Variants in AKT3 observed in about 807,000 individuals in gnomAD.
AKT3 encodes the protein AKT serine/threonine kinase 3.
Under a neutral mutation model 65.3 loss-of-function variants are expected in AKT3, and 15 were observed. That is an observed-to-expected ratio of 0.23 (90% confidence interval 0.15 to 0.35). The LOEUF (loss-of-function observed/expected upper bound fraction) is 0.35, where lower values mean the gene tolerates loss of function less well. AKT3 is among the 10% of genes least tolerant of loss of function. The pLI is 1.00. For synonymous variants in AKT3, 206 were observed against 183.8 expected (o/e 1.12, Z -0.98); for missense variants, 243 against 576.5 (o/e 0.42, Z 5.92).
At chr1:243,742,059 T>TAAAAAAAAAAAAAAAAAAAAAAATAA (rs36056068) in intron 2 of AKT3, among the ~76,000 whole-genome samples, 1 of 125,578 alleles carries the variant, frequency 8.0e-6, no homozygotes, top group Non-Finnish European at 1.6e-5. Flanking sequence ...GATAGAAAAT[T>TAAAAAAAAAAAAAAAAAAAAAAATAA]AAAAAAAAAA....
At chr1:243,773,624 C>T (rs1690344839) in intron 2 of AKT3, among the ~76,000 whole-genome samples, 1 of 148,722 alleles carries the variant, frequency 6.7e-6, no homozygotes, top group Non-Finnish European at 1.5e-5. Context: ...GACCCCATCG[C>T]CCCCCACAAA....
At chr1:243,828,450 T>TA (rs1465076076) in intron 2 of AKT3, among the ~76,000 whole-genome samples, 1 of 152,098 alleles carries the variant, frequency 6.6e-6, no homozygotes, top group Non-Finnish European at 1.5e-5. Flanking sequence ...AGCTGACCCT[T>TA]AATAACATGG....
intron 8 of AKT3, among the ~76,000 whole-genome samples, chr1:243,584,359 A>T (rs943019447): frequency 1.3e-4 from 20 of 152,190 alleles, no homozygotes; most frequent in South Asian, 6.2e-4. Context: ...AACAAGACGG[A>T]TTCACAGTTG....
intron 2 of AKT3, among the ~76,000 whole-genome samples, chr1:243,742,133 G>A (rs950525498): frequency 6.6e-6 from 1 of 151,368 alleles, no homozygotes; most frequent in Non-Finnish European, 1.5e-5. Context: ...TGTATATAAG[G>A]GACTTGAGCA....
rs1324562971 is a variant in AKT3 at position 243,500,352 on chromosome 1, A to C, written c.*4897T>G. 1 of 224,422 alleles carries C rather than the reference A, an allele frequency of 4.5e-6. No individual in the cohort carries two copies. The highest frequency in any genetic ancestry group is 2.2e-5 in the African/African-American group (1 of 44,520). 13.9% of individuals were successfully genotyped at this position (224,422 alleles called of 1,614,324 possible). On this transcript the variant is annotated 3_prime_UTR_variant, in exon 14 of 14. Transcript: ENST00000673466. ...GGAAGCACTATGCATTACTCTTTCC[A>C]TTCTGTTAAACAACGAAAACAGACA...
chr1:243,693,264 AT>A (rs2148017237), intron 3 of AKT3, among the ~76,000 whole-genome samples: 1 of 92,092 alleles, frequency 1.1e-5, no homozygotes, highest in South Asian at 3.8e-4. Context: ...ATATATATAT[AT>A]ATATATATAT....
At chr1:243,536,606 T>C (rs1040142104) in intron 12 of AKT3, among the ~76,000 whole-genome samples, 2 of 152,226 alleles carry the variant, frequency 1.3e-5, no homozygotes, top group African/African-American at 2.4e-5. Context: ...TCCAGTTTGC[T>C]GTGTAATTTT....
chr1:243,571,317 A>G (rs756302330), intron 9 of AKT3, among the ~76,000 whole-genome samples: 1 of 152,188 alleles, frequency 6.6e-6, no homozygotes, highest in Non-Finnish European at 1.5e-5. Context: ...CTCCATCTGA[A>G]AACACACACA....
chr1:243,596,272 T>C (rs1676607082), intron 8 of AKT3, among the ~76,000 whole-genome samples: 1 of 152,190 alleles, frequency 6.6e-6, no homozygotes, highest in African/African-American at 2.4e-5. Context: ...TAAAAACGTC[T>C]GTTCCTCAAA....
intron 3 of AKT3, among the ~76,000 whole-genome samples, chr1:243,683,852 A>C (rs1684090164): frequency 1.3e-5 from 2 of 152,200 alleles, no homozygotes; most frequent in African/African-American, 4.8e-5. Flanking sequence ...GAAGCAAAGT[A>C]CCTTTAATTT....
chr1:243,656,505 A>G (rs997956166), intron 4 of AKT3, among the ~76,000 whole-genome samples: 1 of 152,182 alleles, frequency 6.6e-6, no homozygotes, highest in African/African-American at 2.4e-5. Context: ...AACAATAATA[A>G]AAGTTTGTGA....
chr1:243,699,511 A>ATATG (rs1685301766), intron 2 of AKT3, among the ~76,000 whole-genome samples: 5 of 113,142 alleles, frequency 4.4e-5, no homozygotes, highest in African/African-American at 1.0e-4. Context: ...ATATATATAT[A>ATATG]TAATCTTCAT....
intron 8 of AKT3, among the ~76,000 whole-genome samples, chr1:243,581,575 A>G (rs1040147248): frequency 2.0e-5 from 3 of 152,148 alleles, no homozygotes; most frequent in African/African-American, 7.2e-5. Context: ...ATTATAGGGA[A>G]AGAAAAAGAA....
At chr1:243,558,837 T>C (rs1673583074) in intron 10 of AKT3, among the ~76,000 whole-genome samples, 1 of 152,072 alleles carries the variant, frequency 6.6e-6, no homozygotes, top group Non-Finnish European at 1.5e-5. Flanking sequence ...TATCTGCTGG[T>C]ACATTTGAGG....
At chr1:243,816,812 T>C (rs1693553848) in intron 2 of AKT3, among the ~76,000 whole-genome samples, 2 of 152,136 alleles carry the variant, frequency 1.3e-5, no homozygotes, top group East Asian at 3.8e-4. Flanking sequence ...GAGGATAGGC[T>C]ACAAATGTCT....
intron 3 of AKT3, among the ~76,000 whole-genome samples, chr1:243,676,384 G>A (rs1296365296): frequency 6.6e-6 from 1 of 152,146 alleles, no homozygotes; most frequent in Non-Finnish European, 1.5e-5. Flanking sequence ...AGGTTAGAAA[G>A]ATCTTCAATG....
intron 2 of AKT3, among the ~76,000 whole-genome samples, chr1:243,742,481 C>T (rs535397083): frequency 2.6e-5 from 4 of 152,126 alleles, no homozygotes; most frequent in African/African-American, 4.8e-5. Flanking sequence ...AAAAATTAGC[C>T]GGGCATGGTG....
intron 8 of AKT3, among the ~76,000 whole-genome samples, chr1:243,574,383 A>G (rs990818487): frequency 2.0e-5 from 3 of 152,044 alleles, no homozygotes; most frequent in African/African-American, 7.2e-5. Context: ...AATTATATTA[A>G]AACTAAAATA....
intron 2 of AKT3, among the ~76,000 whole-genome samples, chr1:243,833,420 G>C (rs572866308): frequency 6.6e-6 from 1 of 151,280 alleles, no homozygotes; most frequent in East Asian, 1.9e-4. Context: ...CAGGAAGGCC[G>C]AGTTAAAGGG....
Sources: gnomAD v4.1 joint callset for allele counts (sites outside exome capture counted in the v4.1 genomes callset) on GRCh38, gnomAD v4.1.1 for gene constraint, MANE v1.5 for transcripts, NCBI Gene and HGNC (gene_info 2026-07-23, HGNC 2026-07-21) for gene names.